Variants in ASIC2 observed in about 807,000 individuals in gnomAD.
ASIC2 encodes the protein acid sensing ion channel subunit 2, also known as acid-sensing ion channel 2.
Under a neutral mutation model 57.3 loss-of-function variants are expected in ASIC2, and 25 were observed. The observed-to-expected ratio is 0.44, with a 90% CI of 0.32 to 0.61. The LOEUF (loss-of-function observed/expected upper bound fraction) is 0.61, where lower values mean the gene tolerates loss of function less well. ASIC2 is among the 20% of genes least tolerant of loss of function. ASIC2 has a pLI of 0.06. For missense variants in ASIC2, 641 were observed against 738.1 expected, an observed-to-expected ratio of 0.87 and a Z score of 1.52; for synonymous variants, 319 against 307.5, an observed-to-expected ratio of 1.04 and a Z score of -0.39.
chr17:33,735,055 C>G (rs1909868653), intron 1 of ASIC2, among the ~76,000 whole-genome samples: 1 of 152,154 alleles, frequency 6.6e-6, no homozygotes, highest in Non-Finnish European at 1.5e-5. Flanking sequence ...TCTCTGAGAT[C>G]CCTGTATGAT....
At chr17:33,907,309 T>C (rs1223333570) in intron 1 of ASIC2, among the ~76,000 whole-genome samples, 1 of 152,154 alleles carries the variant, frequency 6.6e-6, no homozygotes, top group African/African-American at 2.4e-5. Flanking sequence ...GAGTGGGATG[T>C]CTTAAGCTCT....
intron 1 of ASIC2, among the ~76,000 whole-genome samples, chr17:33,889,515 G>A (rs554067746): frequency 3.9e-5 from 6 of 152,144 alleles, no homozygotes; most frequent in Admixed American, 6.5e-5. Context: ...ATATCAGAAC[G>A]TAGGTTTAAT....
At chr17:33,341,595 G>C (rs911533629) in intron 1 of ASIC2, among the ~76,000 whole-genome samples, 1 of 152,160 alleles carries the variant, frequency 6.6e-6, no homozygotes, top group South Asian at 2.1e-4. Context: ...AAAAACAGTT[G>C]TCAACCTCAG....
intron 1 of ASIC2, among the ~76,000 whole-genome samples, chr17:33,726,777 A>T (rs572847912): frequency 3.3e-5 from 5 of 152,312 alleles, no homozygotes; most frequent in African/African-American, 1.2e-4. Flanking sequence ...AATGAGAGAA[A>T]TCCAAATGTG....
At chr17:33,131,608 T>C (rs1472940832) in intron 1 of ASIC2, 1 of 152,224 alleles carries the variant, frequency 6.6e-6, no homozygotes, top group African/African-American at 2.4e-5. Flanking sequence ...AACAGCTGCG[T>C]GCAGGGTAAA....
At chr17:33,089,141 CTG>C (rs2092147881) in intron 2 of ASIC2, 151 bp from the exon 3 acceptor site, 3 of 1,102,878 alleles carry the variant, frequency 2.7e-6, no homozygotes, top group Non-Finnish European at 3.7e-6. Flanking sequence ...CCTCCAGAAA[CTG>C]TGACTAGGTT....
chr17:33,716,046 C>A (rs1341234795), intron 1 of ASIC2, among the ~76,000 whole-genome samples: 1 of 152,138 alleles, frequency 6.6e-6, no homozygotes, highest in Non-Finnish European at 1.5e-5. Context: ...TCACTAAATG[C>A]TACCCAATCT....
At chr17:33,702,204 T>C (rs150886970) in intron 1 of ASIC2, among the ~76,000 whole-genome samples, 297 of 152,302 alleles carry the variant, frequency 2.0e-3, no homozygotes, top group African/African-American at 6.7e-3. Context: ...TGTAAAATGG[T>C]GATACCTCTC....
At chr17:33,405,743 A>G (rs1218903698) in intron 1 of ASIC2, among the ~76,000 whole-genome samples, 1 of 151,918 alleles carries the variant, frequency 6.6e-6, no homozygotes, top group East Asian at 1.9e-4. Context: ...TGGCCTCCCA[A>G]AGTGCTGGGA....
intron 1 of ASIC2, among the ~76,000 whole-genome samples, chr17:34,065,262 G>A (rs754004469): frequency 9.2e-5 from 14 of 152,290 alleles, no homozygotes; most frequent in Non-Finnish European, 1.5e-4. Context: ...TATTCTAGGC[G>A]AAGTAACTCA....
At chr17:33,629,020 G>A (rs1214084629) in intron 1 of ASIC2, among the ~76,000 whole-genome samples, 1 of 152,140 alleles carries the variant, frequency 6.6e-6, no homozygotes, top group Non-Finnish European at 1.5e-5. Context: ...TTGGGTGAGG[G>A]CTGACCTCCG....
At chr17:34,045,207 C>A (rs1032741313) in intron 1 of ASIC2, among the ~76,000 whole-genome samples, 1 of 152,212 alleles carries the variant, frequency 6.6e-6, no homozygotes, top group African/African-American at 2.4e-5. Context: ...CTCTTCCCCT[C>A]CATCCCCTCT....
chr17:33,563,123 A>G (rs1431845558), intron 1 of ASIC2, among the ~76,000 whole-genome samples: 1 of 152,146 alleles, frequency 6.6e-6, no homozygotes, highest in Non-Finnish European at 1.5e-5. Flanking sequence ...GCTTCCCTCT[A>G]AAGCTTAAAT....
chr17:33,160,214 A>AAAAAGAAAAGAAAAGAAAAG (rs750297767), intron 1 of ASIC2, among the ~76,000 whole-genome samples: 1 of 93,464 alleles, frequency 1.1e-5, no homozygotes, highest in Non-Finnish European at 2.2e-5. Flanking sequence ...GTTAAAAAAA[A>AAAAAGAAAAGAAAAGAAAAG]AAAAGAAAAG....
chr17:33,293,981 G>A (rs1310770269), upstream of ASIC2, among the ~76,000 whole-genome samples: 1 of 152,038 alleles, frequency 6.6e-6, no homozygotes, highest in Non-Finnish European at 1.5e-5. Context: ...TTGCGAGCAG[G>A]GTAGGCTCAG....
At chr17:33,018,327 C>T (rs929208747) in intron 7 of ASIC2, among the ~76,000 whole-genome samples, 4 of 152,214 alleles carry the variant, frequency 2.6e-5, no homozygotes, top group African/African-American at 7.2e-5. Context: ...ATCAGTGTTG[C>T]TGCCTGGATA....
intron 3 of ASIC2, among the ~76,000 whole-genome samples, chr17:33,068,760 G>T (rs1167139868): frequency 6.6e-6 from 1 of 151,964 alleles, no homozygotes; most frequent in Non-Finnish European, 1.5e-5. Context: ...CTGGTTAGAG[G>T]TTTATCAATT....
At chr17:34,133,713 G>C (rs759237339) in intron 1 of ASIC2, among the ~76,000 whole-genome samples, 64 of 152,246 alleles carry the variant, frequency 4.2e-4, no homozygotes, top group African/African-American at 4.3e-4. Context: ...TGTATGCAAA[G>C]TGATTTCTCC....
At chr17:33,513,642 G>T (rs1247175837) in intron 1 of ASIC2, among the ~76,000 whole-genome samples, 1 of 152,152 alleles carries the variant, frequency 6.6e-6, no homozygotes, top group Non-Finnish European at 1.5e-5. Context: ...ACTGATTTGG[G>T]GCAGTAAGAG....
Sources: allele counts gnomAD v4.1 joint callset (sites outside exome capture counted in the v4.1 genomes callset), GRCh38; gene constraint gnomAD v4.1.1; transcripts MANE v1.5; gene names NCBI Gene and HGNC (gene_info 2026-07-23, HGNC 2026-07-21).